IL23R: variants seen among roughly 807,000 people sequenced by gnomAD.
IL23R encodes interleukin-23 receptor.
IL23R carries 34 observed loss-of-function variants against 56.9 expected under a neutral mutation model. The observed-to-expected ratio is 0.60, with a 90% confidence interval of 0.45 to 0.80. IL23R has a LOEUF of 0.80. Ranked by LOEUF, IL23R falls within the 30% of genes least tolerant of loss-of-function variation. IL23R has a pLI of 0.00. For missense variants in IL23R, 635 were observed against 730.0 expected (o/e 0.87, Z 1.50); for synonymous variants, 230 against 249.2 (o/e 0.92, Z 0.73).
At chr1:67,177,974 T>C (rs1647033785) in intron 3 of IL23R, among the ~76,000 whole-genome samples, 1 of 151,414 alleles carries the variant, frequency 6.6e-6, no homozygotes, top group Non-Finnish European at 1.5e-5. Context: ...TCCATTGGTC[T>C]ATATATCTGT....
chr1:67,184,572 T>A (rs79471509), intron 4 of IL23R, among the ~76,000 whole-genome samples: 3 of 2,200 alleles, frequency 1.4e-3, no homozygotes, highest in African/African-American at 5.4e-3. Context: ...ATAAAATAAA[T>A]AAAATAAAAT....
intron 4 of IL23R, among the ~76,000 whole-genome samples, chr1:67,198,154 A>G (rs1357009406): frequency 6.6e-6 from 1 of 152,162 alleles, no homozygotes; most frequent in Non-Finnish European, 1.5e-5. Context: ...GCAGCAAGCC[A>G]TTCATGAAGG....
chr1:67,212,624 C>A (rs376973519), intron 6 of IL23R, among the ~76,000 whole-genome samples: 7 of 151,318 alleles, frequency 4.6e-5, no homozygotes, highest in African/African-American at 7.3e-5. Flanking sequence ...CAGCTCACTG[C>A]AGCCTTGACC....
At chr1:67,226,449 G>T (rs7523955) in intron 7 of IL23R, among the ~76,000 whole-genome samples, 3 of 151,884 alleles carry the variant, frequency 2.0e-5, no homozygotes, top group African/African-American at 4.8e-5. Flanking sequence ...GCTGTCCAGC[G>T]GCCGATCTCC....
chr1:67,141,992 C>G (rs1646642728), intron 1 of IL23R, among the ~76,000 whole-genome samples: 1 of 152,148 alleles, frequency 6.6e-6, no homozygotes, highest in South Asian at 2.1e-4. Flanking sequence ...TTTTAAGGAA[C>G]AACATGTTTT....
intron 7 of IL23R, among the ~76,000 whole-genome samples, chr1:67,232,873 G>A (rs1403357646): frequency 6.6e-6 from 1 of 151,954 alleles, no homozygotes; most frequent in Non-Finnish European, 1.5e-5. Flanking sequence ...CTGTTCTTGT[G>A]ATAGTAAGTT....
chr1:67,194,181 G>C (rs1414474046), intron 4 of IL23R, among the ~76,000 whole-genome samples: 2 of 152,102 alleles, frequency 1.3e-5, no homozygotes, highest in African/African-American at 2.4e-5. Flanking sequence ...AGTCCTTTTG[G>C]GTTCTTATGG....
chr1:67,259,955 ACT>A lies in IL23R; in HGVS notation c.*830_*831del, dbSNP rs1385150917. 1.7e-5 allele frequency: 2 copies of A among 119,820 alleles called. No individual in the cohort carries two copies. Among genetic ancestry groups the A allele is most frequent in the Non-Finnish European group, 1.6e-5 (1 of 61,046 alleles). The allele number at this position is 119,820 out of a possible 1,614,324, so 7.4% of individuals were successfully genotyped here. On this transcript the variant is annotated 3_prime_UTR_variant, in exon 11 of 11. Transcript: ENST00000347310. ...CTCCAGCCTGGGCAACAAGAGCAAA[ACT>A]CTGTCTGGAAAAAAAAAAAAAAAAA...
chr1:67,151,143 C>T (rs907842981), intron 1 of IL23R, among the ~76,000 whole-genome samples: 1 of 152,162 alleles, frequency 6.6e-6, no homozygotes, highest in Admixed American at 6.6e-5. Context: ...TAATGATCAC[C>T]ATTCTGACTG....
intron 7 of IL23R, among the ~76,000 whole-genome samples, chr1:67,233,175 C>T (rs1324259135): frequency 1.4e-5 from 2 of 140,196 alleles, no homozygotes; most frequent in East Asian, 4.1e-4. Flanking sequence ...ATGGTGAAAT[C>T]CTGTCTCTAC....
intron 7 of IL23R, among the ~76,000 whole-genome samples, chr1:67,233,195 CAAAAAAAAA>C (rs34125353): frequency 5.6e-5 from 3 of 53,636 alleles, no homozygotes; most frequent in Admixed American, 2.9e-4. Context: ...CTAAAAATTC[CAAAAAAAAA>C]AAAAAAAAAA....
chr1:67,260,295 A>T (rs1301930628), downstream of IL23R, among the ~76,000 whole-genome samples: 3 of 152,294 alleles, frequency 2.0e-5, no homozygotes, highest in South Asian at 6.2e-4. Context: ...TTGGGATATT[A>T]TTTATACTAT....
At chr1:67,149,538 C>A (rs962044345) in intron 1 of IL23R, among the ~76,000 whole-genome samples, 2 of 151,990 alleles carry the variant, frequency 1.3e-5, no homozygotes, top group African/African-American at 4.8e-5. Context: ...TTGTATTTCC[C>A]GAAGTACTCT....
intron 9 of IL23R, among the ~76,000 whole-genome samples, chr1:67,255,164 A>C (rs1652871208): frequency 6.6e-6 from 1 of 152,236 alleles, no homozygotes; most frequent in African/African-American, 2.4e-5. Flanking sequence ...AAAGTTCTAC[A>C]AAATATCCCT....
At chr1:67,205,977 G>A (rs60208014) in intron 5 of IL23R, among the ~76,000 whole-genome samples, 1 of 112,492 alleles carries the variant, frequency 8.9e-6, no homozygotes, top group Non-Finnish European at 1.9e-5. Context: ...TGCTCTTTCT[G>A]TCTCTTCCTT....
intron 1 of IL23R, among the ~76,000 whole-genome samples, chr1:67,142,442 G>A (rs1646646605): frequency 6.6e-6 from 1 of 152,090 alleles, no homozygotes; most frequent in Non-Finnish European, 1.5e-5. Flanking sequence ...CAGTTTTGTG[G>A]CACTTTTACC....
intron 1 of IL23R, among the ~76,000 whole-genome samples, chr1:67,147,450 G>A (rs952003302): frequency 7.9e-5 from 12 of 152,170 alleles, no homozygotes; most frequent in Non-Finnish European, 1.5e-4. Context: ...TGTAATCCCA[G>A]CACTTTGGGA....
chr1:67,151,329 C>T (rs1463908040), intron 1 of IL23R, among the ~76,000 whole-genome samples: 1 of 151,948 alleles, frequency 6.6e-6, no homozygotes, highest in Non-Finnish European at 1.5e-5. Context: ...GTTTAAGTTC[C>T]TTGTAGATTC....
At chr1:67,170,514 C>A (rs1290475343) in intron 3 of IL23R, among the ~76,000 whole-genome samples, 1 of 152,220 alleles carries the variant, frequency 6.6e-6, no homozygotes, top group East Asian at 1.9e-4. Context: ...AATGTGTGCT[C>A]TGAGTGTCCT....
Sources: allele counts gnomAD v4.1 joint callset (sites outside exome capture counted in the v4.1 genomes callset), GRCh38; gene constraint gnomAD v4.1.1; transcripts MANE v1.5; gene names NCBI Gene and HGNC (gene_info 2026-07-23, HGNC 2026-07-21).